ASXL3: variants seen among roughly 807,000 people sequenced by gnomAD.
The protein encoded by ASXL3 is putative Polycomb group protein ASXL3.
In ASXL3, 34 loss-of-function variants were observed where a neutral mutation model predicts 170.6. The ratio of observed to expected loss-of-function variants is 0.20; its 90% CI spans 0.15 to 0.27. The LOEUF (loss-of-function observed/expected upper bound fraction) is 0.27. Among genes scored for constraint, ASXL3 ranks in the 10% least tolerant of loss-of-function variants. The pLI is 1.00. For missense variants in ASXL3, 2,592 were observed against 2,695.3 expected (o/e 0.96, Z 0.85); for synonymous variants, 1,002 against 989.1 (o/e 1.01, Z -0.24).
chr18:33,590,270 C>T (rs141358239), intron 1 of ASXL3, among the ~76,000 whole-genome samples: 22 of 151,990 alleles, frequency 1.4e-4, no homozygotes, highest in Admixed American at 5.9e-4. Context: ...GTCTCTTTTC[C>T]CCTCCCCAGG....
rs2067704250 is a variant in ASXL3, at chr18:33,743,497, G to T, written c.3649G>T (p.Val1217Phe). 2 of 1,613,386 alleles carry T rather than the reference G, an allele frequency of 1.2e-6. No homozygotes were observed. The highest frequency in any genetic ancestry group is 2.2e-5 in the South Asian group (2 of 91,086). The change falls in exon 12 of 12, where the codon GTT (valine) becomes TTT (phenylalanine). Residue 1217 changes from valine (V) to phenylalanine (F), a missense_variant. Coordinates refer to ENST00000269197, the MANE Select transcript of ASXL3 (RefSeq NM_030632.3). Reference sequence around the variant, plus strand: ...TGTGTCACATTTATCTGAGAAAATTGTTTCATCTACCTCTTCTGAAAATAG... The same window carrying T: ...TGTGTCACATTTATCTGAGAAAATTTTTTCATCTACCTCTTCTGAAAATAG... The part of the protein sequence containing the change: ...IPVSHLSEKI[V>F]SSTSSENSSV...
chr18:33,665,120 T>TG (rs1171520864), intron 5 of ASXL3, among the ~76,000 whole-genome samples: 2 of 152,152 alleles, frequency 1.3e-5, no homozygotes, highest in African/African-American at 4.8e-5. Flanking sequence ...GATTAAATTT[T>TG]GGAAATTTTA....
intron 7 of ASXL3, among the ~76,000 whole-genome samples, chr18:33,681,089 A>G (rs926114048): frequency 1.3e-5 from 2 of 151,782 alleles, no homozygotes; most frequent in African/African-American, 4.8e-5. Flanking sequence ...ATAAAGAACT[A>G]GTTCATATCT....
rs747561057 is a variant in ASXL3 at position 33,744,287 on chromosome 18, C to T, written c.4439C>T (p.Thr1480Met). The T allele has an allele frequency of 2.1e-5, 34 of 1,613,882 alleles. No individual in the cohort carries two copies. The highest frequency in any genetic ancestry group is 1.6e-4 in the Middle Eastern group (1 of 6,084). ...AAAGTCATCGTTGACCACAGCACCA[C>T]GCTGACCTCCAGTTTGTCTCTGACT... ...PCKVIVDHST[T>M]LTSSLSLTVS... Residue 1480 changes from threonine to methionine, a missense_variant, in exon 12 of 12, where the codon ACG becomes ATG. Thr to Met is a moderately conservative substitution (Grantham distance 81, BLOSUM62 -1). Around this residue, in one of 4 missense-constraint regions of ASXL3, gnomAD observed 2,246 missense variants for 2,219.6 expected, o/e 1.01. Coordinates refer to ENST00000269197, the MANE Select transcript of ASXL3 (RefSeq NM_030632.3).
intron 8 of ASXL3, among the ~76,000 whole-genome samples, chr18:33,715,677 A>G (rs1375448769): frequency 6.6e-6 from 1 of 152,160 alleles, no homozygotes; most frequent in African/African-American, 2.4e-5. Flanking sequence ...TGGGAAGGAT[A>G]ATGTTTTAAA....
intron 8 of ASXL3, among the ~76,000 whole-genome samples, chr18:33,699,841 T>C (rs2066839516): frequency 6.6e-6 from 1 of 152,116 alleles, no homozygotes; most frequent in Non-Finnish European, 1.5e-5. Context: ...GCTATTTTTT[T>C]CTTAGACCAT....
chr18:33,663,953 A>G (rs982364281), intron 5 of ASXL3, among the ~76,000 whole-genome samples: 5 of 152,080 alleles, frequency 3.3e-5, no homozygotes, highest in Non-Finnish European at 5.9e-5. Flanking sequence ...ATATTTCCAT[A>G]TACATATGAT....
chr18:33,725,394 C>T (rs2067332968), intron 8 of ASXL3, among the ~76,000 whole-genome samples: 1 of 152,100 alleles, frequency 6.6e-6, no homozygotes, highest in African/African-American at 2.4e-5. Flanking sequence ...TTACACCTAT[C>T]AATATGATGC....
chr18:33,638,118 A>G (rs532960093), intron 2 of ASXL3, among the ~76,000 whole-genome samples: 1 of 150,140 alleles, frequency 6.7e-6, no homozygotes, highest in Non-Finnish European at 1.5e-5. Flanking sequence ...ATATGTATAT[A>G]TGTGCATGTG....
chr18:33,664,797 A>T (rs1415549930), intron 5 of ASXL3, among the ~76,000 whole-genome samples: 2 of 152,222 alleles, frequency 1.3e-5, no homozygotes, highest in Admixed American at 6.5e-5. Context: ...AAGCTGGACA[A>T]TCTGGAAGCT....
At chr18:33,604,764 C>A (rs1436540109) in intron 1 of ASXL3, among the ~76,000 whole-genome samples, 1 of 151,852 alleles carries the variant, frequency 6.6e-6, no homozygotes, top group East Asian at 1.9e-4. Flanking sequence ...TATTGGGTTC[C>A]CACATTTATA....
chr18:33,592,963 G>T (rs905928413), intron 1 of ASXL3, among the ~76,000 whole-genome samples: 3 of 151,742 alleles, frequency 2.0e-5, no homozygotes, highest in South Asian at 4.2e-4. Context: ...TTATATTTTT[G>T]CCTTACAAAA....
At chr18:33,644,325 A>G (rs927738468) in intron 2 of ASXL3, among the ~76,000 whole-genome samples, 3 of 152,060 alleles carry the variant, frequency 2.0e-5, no homozygotes, top group African/African-American at 7.2e-5. Flanking sequence ...ATAGAAACAC[A>G]TATGTACATT....
intron 8 of ASXL3, among the ~76,000 whole-genome samples, chr18:33,726,875 TCTTC>T (rs1197608024): frequency 1.3e-5 from 2 of 152,150 alleles, no homozygotes; most frequent in African/African-American, 2.4e-5. Flanking sequence ...CCTCCGCTCC[TCTTC>T]CTTCCACTTT....
intron 1 of ASXL3, among the ~76,000 whole-genome samples, chr18:33,587,770 T>TA (rs956590588): frequency 4.2e-4 from 62 of 146,632 alleles, no homozygotes; most frequent in Middle Eastern, 3.5e-3. Flanking sequence ...AGATTACAAT[T>TA]AAAAAAAAAA....
chr18:33,733,849 T>C (rs1390746646), intron 9 of ASXL3, among the ~76,000 whole-genome samples: 1 of 152,180 alleles, frequency 6.6e-6, no homozygotes, highest in African/African-American at 2.4e-5. Context: ...AATCAGCTCC[T>C]ATATGTGGTC....
intron 8 of ASXL3, among the ~76,000 whole-genome samples, chr18:33,712,021 A>G (rs912771721): frequency 3.6e-4 from 55 of 152,112 alleles, no homozygotes; most frequent in African/African-American, 1.3e-3. Flanking sequence ...ACAATATATT[A>G]TATTTTAGGT....
intron 8 of ASXL3, among the ~76,000 whole-genome samples, chr18:33,710,205 A>G (rs1219681789): frequency 6.6e-6 from 1 of 152,168 alleles, no homozygotes; most frequent in African/African-American, 2.4e-5. Context: ...GCAGTGAGCC[A>G]AGATCAGATC....
intron 2 of ASXL3, chr18:33,627,188 A>G (rs2065615960): frequency 6.6e-6 from 1 of 152,184 alleles, no homozygotes; most frequent in Non-Finnish European, 1.5e-5. Flanking sequence ...CAAATGGACA[A>G]CTGAAGGCCA....
Sources: gnomAD v4.1 joint callset for allele counts (sites outside exome capture counted in the v4.1 genomes callset) on GRCh38, gnomAD v4.1.1 for gene constraint, gnomAD v4.1.1 regional missense constraint, MANE v1.5 for transcripts, NCBI Gene and HGNC (gene_info 2026-07-23, HGNC 2026-07-21) for gene names.